GRIN2B: variants seen among roughly 807,000 people sequenced by gnomAD.
GRIN2B encodes the protein glutamate receptor ionotropic, NMDA 2B.
In GRIN2B, 5 loss-of-function variants were observed where a neutral mutation model predicts 114.5. That is an observed-to-expected ratio of 0.04 (90% CI 0.02 to 0.09). The LOEUF is 0.09. GRIN2B is among the 10% of genes least tolerant of loss of function. GRIN2B has a pLI of 1.00. For synonymous variants in GRIN2B, 787 were observed against 745.1 expected (o/e 1.06, Z -0.92); for missense variants, 1,108 against 1,943.5 (o/e 0.57, Z 8.08).
At chr12:13,938,309 A>G (rs1205398534) in intron 2 of GRIN2B, among the ~76,000 whole-genome samples, 2 of 152,106 alleles carry the variant, frequency 1.3e-5, no homozygotes, top group Non-Finnish European at 2.9e-5. Context: ...AGACCCAACT[A>G]TATGTTATTT....
chr12:13,856,131 T>C (rs1223012117), intron 3 of GRIN2B, among the ~76,000 whole-genome samples: 1 of 152,136 alleles, frequency 6.6e-6, no homozygotes, highest in Non-Finnish European at 1.5e-5. Context: ...TGAATTCTCC[T>C]ATAAAGTGGA....
chr12:13,564,277 A>T lies in GRIN2B; in HGVS notation c.2961T>A (p.His987Gln). 1 of 1,614,096 alleles carries T rather than the reference A, an allele frequency of 6.2e-7. No individual in the cohort carries two copies. Among genetic ancestry groups the T allele is most frequent in the Non-Finnish European group, 8.5e-7 (1 of 1,180,006 alleles). Residue 987 changes from histidine (H) to glutamine (Q), a missense_variant, in exon 14 of 14, where the codon CAT becomes CAA. His to Gln is a conservative substitution (Grantham distance 24, BLOSUM62 0). This residue lies in a region of GRIN2B where 140 missense variants were observed against 187.5 expected (regional missense o/e 0.75). Coordinates refer to ENST00000609686, the MANE Select transcript of GRIN2B (RefSeq NM_000834.5). The surrounding 1 kb of genome is among the most constrained non-coding windows in gnomAD (Gnocchi z 4.8). ...TGCCAATACTATGGGGCCGGTGGTG[A>T]TGGTGGTAGTGATCTTGGTACACGT... ...DSNVYQDHYH[H>Q]HHRPHSIGSA...
chr12:13,785,575 C>A (rs1261613983), intron 3 of GRIN2B, among the ~76,000 whole-genome samples: 1 of 152,132 alleles, frequency 6.6e-6, no homozygotes, highest in African/African-American at 2.4e-5. Context: ...CAATCACTCA[C>A]CAAAGTCTCA....
intron 10 of GRIN2B, among the ~76,000 whole-genome samples, chr12:13,590,071 A>G (rs1948985449): frequency 6.6e-6 from 1 of 152,262 alleles, no homozygotes; most frequent in African/African-American, 2.4e-5. Flanking sequence ...ATAATTTGCA[A>G]TGAAACTAAG....
intron 5 of GRIN2B, among the ~76,000 whole-genome samples, chr12:13,623,558 T>C (rs1949538981): frequency 6.6e-6 from 1 of 152,214 alleles, no homozygotes; most frequent in African/African-American, 2.4e-5. Context: ...GCAAGCACCT[T>C]TCCACATCTC....
At chr12:13,872,321 T>C (rs1865924628) in intron 2 of GRIN2B, among the ~76,000 whole-genome samples, 1 of 151,996 alleles carries the variant, frequency 6.6e-6, no homozygotes. Flanking sequence ...CTGGGTGTGG[T>C]GGCACGTGCC....
intron 2 of GRIN2B, among the ~76,000 whole-genome samples, chr12:13,920,623 C>A (rs10459061): frequency 0.089 from 13,484 of 152,018 alleles, 1,245 homozygotes; most frequent in East Asian, 0.42. Flanking sequence ...AGGCTCCAGA[C>A]TGAGGTGGGG....
intron 4 of GRIN2B, among the ~76,000 whole-genome samples, chr12:13,734,858 G>A (rs1478192891): frequency 6.6e-6 from 1 of 152,208 alleles, no homozygotes; most frequent in African/African-American, 2.4e-5. Context: ...CAGGGAAATT[G>A]AAAGAGAGGA....
chr12:13,717,839 T>C (rs1950470671), intron 4 of GRIN2B, among the ~76,000 whole-genome samples: 1 of 151,966 alleles, frequency 6.6e-6, no homozygotes, highest in Non-Finnish European at 1.5e-5. Context: ...ACAGTATCTT[T>C]TTCTGTTTGT....
At chr12:13,729,133 T>C (rs1030212187) in intron 4 of GRIN2B, among the ~76,000 whole-genome samples, 4 of 152,236 alleles carry the variant, frequency 2.6e-5, no homozygotes, top group African/African-American at 9.6e-5. Context: ...TTTCTGTTTT[T>C]TTCTTACTTA....
intron 3 of GRIN2B, among the ~76,000 whole-genome samples, chr12:13,803,361 C>T (rs1202580200): frequency 1.3e-5 from 2 of 151,986 alleles, no homozygotes; most frequent in Non-Finnish European, 2.9e-5. Context: ...AAATAAAGTG[C>T]CTGTCACATG....
At chr12:13,952,784 G>GT (rs937285356) in intron 2 of GRIN2B, among the ~76,000 whole-genome samples, 10 of 151,784 alleles carry the variant, frequency 6.6e-5, no homozygotes, top group East Asian at 5.8e-4. Flanking sequence ...TTTAATTTCT[G>GT]TTTTTTTGCG....
At chr12:13,843,571 A>G (rs1413399011) in intron 3 of GRIN2B, among the ~76,000 whole-genome samples, 2 of 152,162 alleles carry the variant, frequency 1.3e-5, no homozygotes, top group Non-Finnish European at 2.9e-5. Flanking sequence ...TAGGTAAGCT[A>G]CTAGAAGATT....
chr12:13,641,623 A>G (rs577642154), intron 5 of GRIN2B, among the ~76,000 whole-genome samples: 1 of 152,242 alleles, frequency 6.6e-6, no homozygotes, highest in Admixed American at 6.5e-5. Flanking sequence ...CTCATCTATG[A>G]ACTTAATGAG....
intron 2 of GRIN2B, among the ~76,000 whole-genome samples, chr12:13,951,156 A>G (rs1366848462): frequency 6.6e-6 from 1 of 152,238 alleles, no homozygotes; most frequent in Non-Finnish European, 1.5e-5. Flanking sequence ...TGCAAATATT[A>G]CAATATTTGA....
At chr12:13,698,230 CGCGGGGA>C (rs1299765022) in intron 4 of GRIN2B, among the ~76,000 whole-genome samples, 13 of 152,188 alleles carry the variant, frequency 8.5e-5, no homozygotes, top group Non-Finnish European at 1.3e-4. Context: ...GGGCGCGGGG[CGCGGGGA>C]GCGGAATGAT....
At chr12:13,754,746 G>A (rs1470313000) in intron 3 of GRIN2B, among the ~76,000 whole-genome samples, 1 of 152,146 alleles carries the variant, frequency 6.6e-6, no homozygotes, top group Non-Finnish European at 1.5e-5. Context: ...CAGACATATA[G>A]AAGATATGCT....
intron 4 of GRIN2B, among the ~76,000 whole-genome samples, chr12:13,707,878 G>T (rs543460093): frequency 1.6e-4 from 24 of 152,240 alleles, no homozygotes; most frequent in African/African-American, 5.8e-4. Flanking sequence ...TATACAGCAA[G>T]TTTACTGGGC....
At chr12:13,746,466 T>C (rs1161435352) in intron 4 of GRIN2B, among the ~76,000 whole-genome samples, 1 of 152,240 alleles carries the variant, frequency 6.6e-6, no homozygotes, top group African/African-American at 2.4e-5. Context: ...GACCATCCTA[T>C]TCCTTCCCAT....
Sources: gnomAD v4.1 joint callset for allele counts (sites outside exome capture counted in the v4.1 genomes callset) on GRCh38, gnomAD v4.1.1 for gene constraint, gnomAD v4.1.1 regional missense constraint, Gnocchi (gnomAD v3.1) non-coding constraint, MANE v1.5 for transcripts, NCBI Gene and HGNC (gene_info 2026-07-23, HGNC 2026-07-21) for gene names.